TMX4: variants seen among roughly 807,000 people sequenced by gnomAD.
TMX4 encodes thioredoxin-related transmembrane protein 4.
In TMX4, 23 loss-of-function variants were observed where a neutral mutation model predicts 33.3. The ratio of observed to expected loss-of-function variants is 0.69; its 90% CI spans 0.50 to 0.98. TMX4 has a LOEUF of 0.98. TMX4 is among the 50% of genes least tolerant of loss of function. TMX4 has a pLI of 0.00. For missense variants in TMX4, 399 were observed against 448.9 expected, an observed-to-expected ratio of 0.89 and a Z score of 1.01; for synonymous variants, 164 against 161.5, an observed-to-expected ratio of 1.02 and a Z score of -0.12.
chr20:7,983,854 AGACCTG>A lies in TMX4; in HGVS notation c.616-3_618del, dbSNP rs1262836183. 6.2e-7 allele frequency: 1 copy of A among 1,613,362 alleles called. No individual in the cohort carries two copies. Among genetic ancestry groups the A allele is most frequent in the African/African-American group, 1.3e-5 (1 of 74,880 alleles). ...TAGAAACATTCTGATATTACCACCAAGACCTGGAAGGAAAAAAGTGATTTTACAGTG... is the reference window on the plus strand; with the variant it reads ...TAGAAACATTCTGATATTACCACCAAGAAGGAAAAAAGTGATTTTACAGTG... On this transcript the variant is annotated splice_acceptor_variant and splice_polypyrimidine_tract_variant and coding_sequence_variant and intron_variant, in exon 7 of 8. Coordinates refer to ENST00000246024, the MANE Select transcript of TMX4 (RefSeq NM_021156.4). LOFTEE classifies it high-confidence loss of function.
At chr20:8,006,011 G>T (rs75414275) in intron 2 of TMX4, among the ~76,000 whole-genome samples, 6 of 152,016 alleles carry the variant, frequency 3.9e-5, no homozygotes, top group South Asian at 2.1e-4. Context: ...AGGCAGGGGG[G>T]TGTCTAATTG....
At chr20:8,018,518 G>GTC (rs1568541327) in intron 1 of TMX4, among the ~76,000 whole-genome samples, 1 of 46,160 alleles carries the variant, frequency 2.2e-5, no homozygotes, top group Non-Finnish European at 3.4e-5. Flanking sequence ...GAGAGAGAGA[G>GTC]AGAGAGAGAG....
In TMX4 at chr20:7,982,484, C is replaced by T. The variant is rs768734525; in HGVS notation, c.817G>A (p.Glu273Lys). ...DEEEKEDLGD[E>K]DEAEEEEEED... ...TCCTCTTCTTCCTCTGCTTCATCCT[C>T]ATCGCCAAGATCTTCTTTCTCTTCT... The change falls in exon 8 of 8, where the codon GAG becomes AAG. Residue 273 changes from glutamate to lysine, a missense_variant. By Grantham distance (56) the Glu-to-Lys change is moderately conservative. Coordinates refer to ENST00000246024, the MANE Select transcript of TMX4 (RefSeq NM_021156.4). The T allele has an allele frequency of 7.4e-6, 12 of 1,613,904 alleles. No homozygotes were observed. The highest frequency in any genetic ancestry group is 4.0e-5 in the African/African-American group (3 of 74,916).
intron 1 of TMX4, among the ~76,000 whole-genome samples, chr20:8,014,587 C>A (rs2050765011): frequency 6.6e-6 from 1 of 152,118 alleles, no homozygotes; most frequent in South Asian, 2.1e-4. Context: ...AGTACAAAAG[C>A]ATATCAATAA....
chr20:8,017,295 C>T (rs1196591246), intron 1 of TMX4, among the ~76,000 whole-genome samples: 1 of 152,048 alleles, frequency 6.6e-6, no homozygotes, highest in East Asian at 1.9e-4. Context: ...GAAGTGCACT[C>T]GATAAAAAGA....
At position 7,978,317 on chromosome 20, in the gene TMX4, A is replaced by T. The variant is rs895568450; in HGVS notation, c.*3934T>A. 3.3e-5 allele frequency: 5 copies of T among 152,132 alleles called. No homozygotes were observed. The highest frequency in any genetic ancestry group is 5.9e-5 in the Non-Finnish European group (4 of 68,014). The allele number at this position is 152,132 out of a possible 1,614,324, so 9.4% of individuals were successfully genotyped here. A position where few individuals can be genotyped will look rare whatever the true frequency, so the allele number is the denominator to read the frequency against. On this transcript the variant is annotated 3_prime_UTR_variant, in exon 8 of 8. Coordinates refer to ENST00000246024, the MANE Select transcript of TMX4 (RefSeq NM_021156.4). The stretch of plus-strand genomic sequence containing the variant: ...TGCCGTAACTTTTCCACCTTTTTTT[A>T]AAATTTATTTTTCTCTGGACTTCTA...
At chr20:7,984,714 T>C (rs2050623160) in intron 6 of TMX4, among the ~76,000 whole-genome samples, 1 of 152,182 alleles carries the variant, frequency 6.6e-6, no homozygotes, top group African/African-American at 2.4e-5. Flanking sequence ...AGTATAATGA[T>C]CAAATCAGTG....
At chr20:7,994,719 T>C (rs774017318) in intron 5 of TMX4, among the ~76,000 whole-genome samples, 81 of 152,258 alleles carry the variant, frequency 5.3e-4, no homozygotes, top group African/African-American at 1.3e-3. Flanking sequence ...ATTTTTCTGT[T>C]GAATTAGACA....
chr20:8,019,397 G>T (rs892139652), intron 1 of TMX4, 41 bp downstream of exon 1: 22 of 1,505,370 alleles, frequency 1.5e-5, no homozygotes, highest in East Asian at 2.8e-5. Context: ...GGTGACGCCC[G>T]CGAGGACACT....
chr20:8,018,722 T>G (rs2050795103), intron 1 of TMX4: 1 of 179,186 alleles, frequency 5.6e-6, no homozygotes, highest in South Asian at 8.7e-5. Context: ...TTGCTTTCTA[T>G]TGTTAAAAGG....
intron 3 of TMX4, among the ~76,000 whole-genome samples, chr20:8,000,833 A>T (rs2050703240): frequency 6.6e-6 from 1 of 152,172 alleles, no homozygotes; most frequent in African/African-American, 2.4e-5. Context: ...AGGGCAAGTC[A>T]CACTTATCTT....
intron 1 of TMX4, among the ~76,000 whole-genome samples, chr20:8,011,334 G>T (rs1298112190): frequency 1.3e-5 from 2 of 151,924 alleles, no homozygotes; most frequent in East Asian, 3.9e-4. Context: ...AATGCCTTAG[G>T]AAGGGAAACA....
At chr20:8,011,862 G>A (rs1263240503) in intron 1 of TMX4, among the ~76,000 whole-genome samples, 1 of 152,030 alleles carries the variant, frequency 6.6e-6, no homozygotes, top group Admixed American at 6.5e-5. Context: ...CAGAAGACAG[G>A]AACAACAAAA....
rs866680335 is a variant in TMX4, at chr20:8,018,477, A to G, written c.176+961T>C. ...GAGGGAGGGAGGGAGGGAGGGAGGG[A>G]GGGGGAGAGAGAGAGAGAGAGAGAG... On this transcript the variant is annotated intron_variant, in intron 1 of 7. Transcript: ENST00000246024. 9.1e-3 allele frequency among the ~76,000 whole-genome samples: 148 copies of G among 16,246 alleles called. 1 individual carries two copies. The highest frequency in any genetic ancestry group is 0.011 in the Non-Finnish European group (109 of 9,582). The allele number at this position is 16,246 out of a possible 152,430, so 10.7% of individuals were successfully genotyped here. A position where few individuals can be genotyped will look rare whatever the true frequency, so the allele number is the denominator to read the frequency against.
rs746594015 is a variant in TMX4 at position 7,982,406 on chromosome 20, G to GATC, written c.892_894dup (p.Asp298dup). 4.3e-6 allele frequency: 7 copies of GATC among 1,613,912 alleles called. No individual in the cohort carries two copies. In the African/African-American group the frequency reaches 9.4e-5, roughly 22 times the overall value. ...ACACCGTCCTCTCCTGGGGGCCCCT[G>GATC]ATCATTGGCCTCACTTCTCTCCTCA... On this transcript the variant is annotated inframe_insertion, in exon 8 of 8. Transcript: ENST00000246024.
intron 5 of TMX4, among the ~76,000 whole-genome samples, chr20:7,988,200 C>T (rs1385765254): frequency 6.6e-6 from 1 of 152,186 alleles, no homozygotes; most frequent in Admixed American, 6.5e-5. Context: ...AAGACCCTGA[C>T]AGCTTCAAAA....
chr20:7,984,922 G>A (rs978409594), intron 6 of TMX4, among the ~76,000 whole-genome samples: 3 of 152,034 alleles, frequency 2.0e-5, no homozygotes, highest in African/African-American at 7.2e-5. Context: ...GGGCCATTCA[G>A]AGCCAGCCTC....
intron 4 of TMX4, among the ~76,000 whole-genome samples, chr20:7,996,811 G>A (rs950975989): frequency 6.6e-6 from 1 of 152,088 alleles, no homozygotes; most frequent in African/African-American, 2.4e-5. Flanking sequence ...TTTAAAAAGA[G>A]TATCCCTGGA....
intron 4 of TMX4, 96 bp downstream of exon 4, chr20:7,999,636 T>C (rs944437309): frequency 6.5e-5 from 89 of 1,363,950 alleles, no homozygotes; most frequent in Non-Finnish European, 8.3e-5. Context: ...TGGAAGTAAA[T>C]GTGAAGTAAA....
Sources: gnomAD v4.1 joint callset for allele counts (sites outside exome capture counted in the v4.1 genomes callset) on GRCh38, gnomAD v4.1.1 for gene constraint, MANE v1.5 for transcripts, NCBI Gene and HGNC (gene_info 2026-07-23, HGNC 2026-07-21) for gene names.